The following WDR44 variants were observed in gnomAD, a reference collection of about 807,000 sequenced individuals.
The protein encoded by WDR44 is WD repeat domain 44.
A neutral mutation model predicts 65.7 loss-of-function variants in WDR44; 9 were observed. The observed-to-expected ratio is 0.14, with a 90% CI of 0.08 to 0.24. WDR44 has a LOEUF of 0.24. Among genes scored for constraint, WDR44 ranks in the 10% least tolerant of loss-of-function variants. WDR44 has a pLI of 1.00. For missense variants in WDR44, 425 were observed against 670.9 expected (o/e 0.63, Z 4.05); for synonymous variants, 220 against 235.2 (o/e 0.94, Z 0.59).
intron 1 of WDR44, among the ~76,000 whole-genome samples, chrX:118,352,351 T>TATATA (rs2056420246): frequency 9.0e-5 from 2 of 22,255 alleles, no homozygotes; most frequent in Non-Finnish European, 1.3e-4. Context: ...TATATATATA[T>TATATA]ATTTTTTTTT....
intron 19 of WDR44, chrX:118,444,911 A>C (rs1294786204): frequency 3.1e-6 from 1 of 327,371 alleles, no homozygotes; most frequent in Non-Finnish European, 5.9e-6. Context: ...CTTGTTTGCA[A>C]CTTAATGGTT....
At chrX:118,414,815 G>T (rs5956982) in intron 12 of WDR44, among the ~76,000 whole-genome samples, 29,256 of 110,223 alleles carry the variant, frequency 0.27, 3,179 homozygotes, top group African/African-American at 0.39. Flanking sequence ...TGATCATATC[G>T]TCAGCAAACA....
At chrX:118,369,478 T>TG (rs2056590117) in intron 1 of WDR44, among the ~76,000 whole-genome samples, 1 of 89,948 alleles carries the variant, frequency 1.1e-5, no homozygotes, top group Non-Finnish European at 2.1e-5. Context: ...GCCTTTTTTT[T>TG]TTTTTTTTTG....
chrX:118,417,804 C>T (rs943271221), intron 12 of WDR44, among the ~76,000 whole-genome samples: 65 of 112,095 alleles, frequency 5.8e-4, no homozygotes, highest in African/African-American at 1.9e-3. Flanking sequence ...ATCTCTTCTT[C>T]CTCAGGAACA....
chrX:118,430,457 A>AG, intron 12 of WDR44, among the ~76,000 whole-genome samples: 1 of 107,403 alleles, frequency 9.3e-6, no homozygotes, highest in South Asian at 4.2e-4. Context: ...CAGGAGAATC[A>AG]CTTGAACCCA....
At chrX:118,400,247 C>T (rs768074632) in intron 8 of WDR44, among the ~76,000 whole-genome samples, 1 of 111,108 alleles carries the variant, frequency 9.0e-6, no homozygotes, top group South Asian at 3.9e-4. Context: ...AAGATTGGCC[C>T]AGGCTTCCCT....
At chrX:118,435,544 A>G (rs2057247912) in intron 13 of WDR44, among the ~76,000 whole-genome samples, 1 of 112,475 alleles carries the variant, frequency 8.9e-6, no homozygotes, top group Admixed American at 9.4e-5. Flanking sequence ...CAGCCTCCCA[A>G]AGTGCTGGGA....
chrX:118,384,552 C>T (rs934598305), intron 2 of WDR44, among the ~76,000 whole-genome samples: 1 of 111,747 alleles, frequency 8.9e-6, no homozygotes, highest in African/African-American at 3.2e-5. Context: ...TCTTTTTGTA[C>T]CAGTACCATG....
chrX:118,415,647 G>A (rs1182861822), intron 12 of WDR44, among the ~76,000 whole-genome samples: 6 of 110,838 alleles, frequency 5.4e-5, no homozygotes, highest in African/African-American at 2.0e-4. Flanking sequence ...GGGATTACAG[G>A]CACACACCAC....
At chrX:118,399,615 T>C (rs2056894700) in intron 8 of WDR44, among the ~76,000 whole-genome samples, 1 of 111,860 alleles carries the variant, frequency 8.9e-6, no homozygotes, top group African/African-American at 3.2e-5. Flanking sequence ...TAAAGCTCAT[T>C]ATTTTTCTAA....
At chrX:118,410,207 A>C (rs1278574409) in intron 11 of WDR44, among the ~76,000 whole-genome samples, 3 of 111,394 alleles carry the variant, frequency 2.7e-5, no homozygotes, top group Non-Finnish European at 5.6e-5. Flanking sequence ...CTGTGTAATA[A>C]GTTTTTTCCA....
rs2056884082 is a variant in WDR44 at position 118,398,414 on chromosome X, A to G, written c.1218A>G (p.Glu406=). The change falls in exon 8 of 20, where the codon GAA becomes GAG. Residue 406 remains glutamate (E), a synonymous_variant. Transcript: ENST00000254029. ...ATGACGCGGCACAGTCAGATGATGA[A>G]GAGAAGTTACAGTCTCAGCCAACAG... is the stretch of plus-strand genomic sequence containing the variant. ...VSNDAAQSDD[E]EKLQSQPTDT... is the part of the protein sequence containing the mutation. 8.3e-7 allele frequency: 1 copy of G among 1,211,057 alleles called. No individual in the cohort carries two copies. Among genetic ancestry groups the G allele is most frequent in the Non-Finnish European group, 1.1e-6 (1 of 895,040 alleles).
At chrX:118,374,774 G>A (rs898217897) in intron 1 of WDR44, among the ~76,000 whole-genome samples, 7 of 111,538 alleles carry the variant, frequency 6.3e-5, no homozygotes, top group Non-Finnish European at 3.8e-5. Flanking sequence ...AGCTGCTGAA[G>A]AGACTACACT....
chrX:118,442,502 G>T, intron 16 of WDR44, 63 bp from the exon 17 acceptor site: 1 of 1,052,963 alleles, frequency 9.5e-7, no homozygotes, highest in South Asian at 2.0e-5. Flanking sequence ...CACCCTTTTT[G>T]GGTTGTAGCT....
chrX:118,392,448 G>A (rs2056828226), intron 3 of WDR44, among the ~76,000 whole-genome samples, 184 bp from the exon 4 acceptor site: 1 of 111,883 alleles, frequency 8.9e-6, no homozygotes, highest in Admixed American at 9.5e-5. Flanking sequence ...CATTTGATTA[G>A]TTCCCTAATT....
At chrX:118,409,721 A>G (rs1026458090) in intron 11 of WDR44, 94 bp downstream of exon 11, 80 of 906,919 alleles carry the variant, frequency 8.8e-5, no homozygotes, top group African/African-American at 2.4e-4. Context: ...ATTTGCAGCA[A>G]CCACTACTTA....
intron 1 of WDR44, 124 bp downstream of exon 1, chrX:118,346,704 G>A: frequency 3.6e-6 from 2 of 556,667 alleles, no homozygotes; most frequent in Middle Eastern, 4.8e-4. Flanking sequence ...CCGTCTCACT[G>A]GAGGACTTCA....
intron 13 of WDR44, among the ~76,000 whole-genome samples, chrX:118,435,430 C>G (rs773243861): frequency 4.3e-4 from 47 of 108,420 alleles, no homozygotes; most frequent in African/African-American, 1.5e-3. Flanking sequence ...AGGCGTGGGC[C>G]ACCACGCCCA....
intron 12 of WDR44, among the ~76,000 whole-genome samples, chrX:118,424,113 C>G (rs1295966591): frequency 9.2e-6 from 1 of 108,114 alleles, no homozygotes; most frequent in Non-Finnish European, 1.9e-5. Context: ...TAAATATATA[C>G]CCAGAAGTGG....
Sources: allele counts gnomAD v4.1 joint callset (sites outside exome capture counted in the v4.1 genomes callset), GRCh38; gene constraint gnomAD v4.1.1; transcripts MANE v1.5; gene names NCBI Gene and HGNC (gene_info 2026-07-23, HGNC 2026-07-21).